CLYBL: variants seen among roughly 807,000 people sequenced by gnomAD.
CLYBL encodes citramalyl-CoA lyase, mitochondrial.
CLYBL carries 31 observed loss-of-function variants against 38.9 expected under a neutral mutation model. The ratio of observed to expected loss-of-function variants is 0.80; its 90% CI spans 0.60 to 1.08. The LOEUF (loss-of-function observed/expected upper bound fraction) is 1.08. Ranked by LOEUF, CLYBL falls within the 50% of genes least tolerant of loss-of-function variation. CLYBL has a pLI of 0.00. For missense variants in CLYBL, 434 were observed against 411.6 expected, an observed-to-expected ratio of 1.05 and a Z score of -0.47; for synonymous variants, 171 against 158.6, an observed-to-expected ratio of 1.08 and a Z score of -0.59.
intron 1 of CLYBL, among the ~76,000 whole-genome samples, chr13:99,689,388 A>G (rs1390286700): frequency 1.3e-5 from 2 of 152,240 alleles, no homozygotes; most frequent in Admixed American, 6.5e-5. Context: ...AGGTTGTCCC[A>G]GAGAAAATAA....
chr13:99,784,787 T>A (rs959723760), intron 2 of CLYBL, among the ~76,000 whole-genome samples: 1 of 152,156 alleles, frequency 6.6e-6, no homozygotes, highest in Non-Finnish European at 1.5e-5. Context: ...AGCCCAAAAA[T>A]GCATTAAAAA....
chr13:99,771,524 CG>C (rs961098566), intron 1 of CLYBL, among the ~76,000 whole-genome samples: 6 of 152,128 alleles, frequency 3.9e-5, no homozygotes, highest in Non-Finnish European at 7.3e-5. Context: ...TCATTTTCAC[CG>C]GGCCCCGCAA....
At chr13:99,770,406 C>T (rs2049362325) in intron 1 of CLYBL, among the ~76,000 whole-genome samples, 1 of 152,226 alleles carries the variant, frequency 6.6e-6, no homozygotes. Context: ...CAAGCTCCGC[C>T]TCCCGGGTTC....
chr13:99,766,711 T>C (rs927081955), intron 1 of CLYBL, among the ~76,000 whole-genome samples: 1 of 152,208 alleles, frequency 6.6e-6, no homozygotes, highest in Non-Finnish European at 1.5e-5. Flanking sequence ...GCCTCCTTTT[T>C]AGCTCTAGGT....
intron 1 of CLYBL, among the ~76,000 whole-genome samples, chr13:99,757,843 T>G (rs999391641): frequency 1.3e-5 from 2 of 152,250 alleles, no homozygotes; most frequent in Admixed American, 1.3e-4. Context: ...GACTCTGCCA[T>G]CAGCATATTT....
At chr13:99,702,085 G>T (rs2048075445) in intron 1 of CLYBL, among the ~76,000 whole-genome samples, 2 of 152,122 alleles carry the variant, frequency 1.3e-5, no homozygotes, top group African/African-American at 4.8e-5. Context: ...TATGTGTTAG[G>T]CATTGTTTTC....
intron 2 of CLYBL, among the ~76,000 whole-genome samples, chr13:99,817,441 G>A (rs1001359226): frequency 4.6e-5 from 7 of 151,288 alleles, no homozygotes; most frequent in East Asian, 2.0e-4. Context: ...GGCGGATCAC[G>A]AGGTCAGGAG....
At chr13:99,791,937 T>C (rs980795992) in intron 2 of CLYBL, among the ~76,000 whole-genome samples, 3 of 152,172 alleles carry the variant, frequency 2.0e-5, no homozygotes, top group Admixed American at 6.5e-5. Flanking sequence ...TTTTGCTATT[T>C]TTTAAGCTTC....
rs2051527377 is a variant in CLYBL, at chr13:99,858,911, C to A, written c.300C>A (p.Gly100=). Residue 100 remains glycine, a synonymous_variant, in exon 3 of 9, where the codon GGC becomes GGA. Transcript: ENST00000339105. ...IVKTLEDIDL[G]PTEKCVRVNS... ...AAACTCTTGAAGACATTGATCTGGGCCCTACTGAAAAATGTGTGAGAGTCA... is the reference window on the plus strand; with the variant it reads ...AAACTCTTGAAGACATTGATCTGGGACCTACTGAAAAATGTGTGAGAGTCA... The A allele has an allele frequency of 6.2e-7, 1 of 1,613,610 alleles. No individual in the cohort carries two copies. Among genetic ancestry groups the A allele is most frequent in the Non-Finnish European group, 8.5e-7 (1 of 1,179,778 alleles).
intron 2 of CLYBL, among the ~76,000 whole-genome samples, chr13:99,787,775 A>C (rs1183121238): frequency 6.6e-6 from 1 of 152,198 alleles, no homozygotes; most frequent in Admixed American, 6.6e-5. Context: ...CATTGAATCT[A>C]TAAATTACCT....
At chr13:99,653,359 A>G (rs1358244341) in intron 1 of CLYBL, among the ~76,000 whole-genome samples, 2 of 151,504 alleles carry the variant, frequency 1.3e-5, no homozygotes, top group Non-Finnish European at 2.9e-5. Flanking sequence ...TAGCCTGGGG[A>G]CAAGGAGGAC....
At chr13:99,898,084 G>C (rs2052603375), downstream of CLYBL, among the ~76,000 whole-genome samples, 1 of 152,164 alleles carries the variant, frequency 6.6e-6, no homozygotes, top group South Asian at 2.1e-4. Context: ...CAAAAAACAA[G>C]AGAGGCCGAA....
At chr13:99,757,314 G>A (rs958100065) in intron 1 of CLYBL, among the ~76,000 whole-genome samples, 1 of 151,998 alleles carries the variant, frequency 6.6e-6, no homozygotes, top group African/African-American at 2.4e-5. Flanking sequence ...GTACATAATG[G>A]TAGCATTTGA....
chr13:99,888,186 C>A (rs2152129595), intron 7 of CLYBL, among the ~76,000 whole-genome samples: 1 of 152,274 alleles, frequency 6.6e-6, no homozygotes, highest in African/African-American at 2.4e-5. Flanking sequence ...GAAGGAAAAG[C>A]TCTGGAGATC....
chr13:99,788,424 T>A (rs1176434853), intron 2 of CLYBL, among the ~76,000 whole-genome samples: 2 of 152,244 alleles, frequency 1.3e-5, no homozygotes. Flanking sequence ...TGTTGAATTT[T>A]GTCAAAGGCC....
At chr13:99,887,455 C>T (rs557410451) in intron 7 of CLYBL, among the ~76,000 whole-genome samples, 27 of 152,348 alleles carry the variant, frequency 1.8e-4, no homozygotes, top group Non-Finnish European at 3.7e-4. Flanking sequence ...TGAGTACAAA[C>T]TCAGAGACAG....
intron 1 of CLYBL, among the ~76,000 whole-genome samples, chr13:99,616,642 C>T (rs902557458): frequency 6.6e-6 from 1 of 152,164 alleles, no homozygotes; most frequent in African/African-American, 2.4e-5. Context: ...TTGAGATTGG[C>T]AGAGGTGCTC....
intron 1 of CLYBL, among the ~76,000 whole-genome samples, chr13:99,704,167 T>C (rs1475129702): frequency 6.6e-6 from 1 of 152,254 alleles, no homozygotes; most frequent in African/African-American, 2.4e-5. Flanking sequence ...TCACTCTGAA[T>C]GAGTGTTGTC....
At chr13:99,735,907 C>T (rs1594148780) in intron 1 of CLYBL, among the ~76,000 whole-genome samples, 2 of 151,860 alleles carry the variant, frequency 1.3e-5, no homozygotes, top group African/African-American at 4.8e-5. Flanking sequence ...TGCTTCTCAT[C>T]GATTTCAGTT....
Sources: allele counts gnomAD v4.1 joint callset (sites outside exome capture counted in the v4.1 genomes callset), GRCh38; gene constraint gnomAD v4.1.1; transcripts MANE v1.5; gene names NCBI Gene and HGNC (gene_info 2026-07-23, HGNC 2026-07-21).